The following KCNMB2 variants were observed in gnomAD, a reference collection of about 807,000 sequenced individuals.
KCNMB2 encodes the protein calcium-activated potassium channel subunit beta-2.
KCNMB2 carries 9 observed loss-of-function variants against 24.5 expected under a neutral mutation model. The observed-to-expected ratio is 0.37, with a 90% confidence interval of 0.22 to 0.64. KCNMB2 has a LOEUF of 0.64. KCNMB2 is among the 30% of genes least tolerant of loss of function. The pLI is 0.63. For missense variants in KCNMB2, 226 were observed against 284.3 expected (o/e 0.79, Z 1.47); for synonymous variants, 109 against 104.4 (o/e 1.04, Z -0.27).
chr3:178,637,075 G>A (rs778642652), intron 1 of KCNMB2, among the ~76,000 whole-genome samples: 26 of 152,054 alleles, frequency 1.7e-4, no homozygotes, highest in South Asian at 4.2e-4. Context: ...TGGTGTATAC[G>A]TACCATATTT....
intron 1 of KCNMB2, among the ~76,000 whole-genome samples, chr3:178,627,311 C>T (rs934653058): frequency 5.3e-5 from 8 of 152,054 alleles, no homozygotes; most frequent in Admixed American, 2.6e-4. Flanking sequence ...ACTGTTATTC[C>T]ATAATTTTGC....
At chr3:178,802,415 T>C (rs928338366) in intron 1 of KCNMB2, among the ~76,000 whole-genome samples, 2 of 152,166 alleles carry the variant, frequency 1.3e-5, no homozygotes, top group East Asian at 3.8e-4. Context: ...AACCACTTTG[T>C]TCTTTCCCTG....
At chr3:178,554,756 C>T (rs1716068549) in intron 1 of KCNMB2, among the ~76,000 whole-genome samples, 1 of 152,160 alleles carries the variant, frequency 6.6e-6, no homozygotes, top group Non-Finnish European at 1.5e-5. Context: ...GGTTGATAAA[C>T]AGACTGGAAG....
At chr3:178,724,489 C>T (rs1722905348) in intron 1 of KCNMB2, among the ~76,000 whole-genome samples, 1 of 152,074 alleles carries the variant, frequency 6.6e-6, no homozygotes, top group Non-Finnish European at 1.5e-5. Context: ...TTTTGTTGTA[C>T]AGAAGCTCTT....
chr3:178,824,493 G>A (rs1295855418), intron 2 of KCNMB2: 2 of 153,020 alleles, frequency 1.3e-5, no homozygotes, highest in Non-Finnish European at 2.9e-5. Flanking sequence ...TCAGCCTCCC[G>A]AGTAGCTGGG....
chr3:178,804,253 T>G (rs1713879406), intron 1 of KCNMB2, among the ~76,000 whole-genome samples: 1 of 152,124 alleles, frequency 6.6e-6, no homozygotes, highest in African/African-American at 2.4e-5. Flanking sequence ...TCTTAAGGAG[T>G]TCAGGGGGGC....
intron 4 of KCNMB2, among the ~76,000 whole-genome samples, chr3:178,840,403 G>A (rs746809031): frequency 2.8e-4 from 42 of 152,270 alleles, no homozygotes; most frequent in Admixed American, 2.4e-3. Flanking sequence ...GAAGGACAGC[G>A]GCCCTCTTCT....
At chr3:178,752,705 G>C (rs930399251) in intron 1 of KCNMB2, among the ~76,000 whole-genome samples, 2 of 152,210 alleles carry the variant, frequency 1.3e-5, no homozygotes, top group African/African-American at 2.4e-5. Flanking sequence ...ATGGTAGTCA[G>C]AGTAGAAGAG....
chr3:178,816,083 A>T (rs532223727), intron 2 of KCNMB2, among the ~76,000 whole-genome samples: 1 of 151,912 alleles, frequency 6.6e-6, no homozygotes, highest in Non-Finnish European at 1.5e-5. Context: ...TTTGTATACT[A>T]TAAGTACAGT....
intron 1 of KCNMB2, among the ~76,000 whole-genome samples, chr3:178,613,180 A>C (rs1036921087): frequency 1.3e-5 from 2 of 152,172 alleles, no homozygotes; most frequent in Non-Finnish European, 2.9e-5. Context: ...AGAGTATTAC[A>C]TGAGGTCAAG....
chr3:178,789,055 T>A (rs1373366959), intron 1 of KCNMB2, among the ~76,000 whole-genome samples: 2 of 152,250 alleles, frequency 1.3e-5, no homozygotes. Flanking sequence ...GGGAGTGTTT[T>A]GTCTGCAGTT....
chr3:178,793,518 G>GC (rs1553778524), intron 1 of KCNMB2, among the ~76,000 whole-genome samples: 140 of 152,102 alleles, frequency 9.2e-4, no homozygotes, highest in African/African-American at 3.3e-3. Context: ...TCACCCTGGG[G>GC]GGGTGGGCAA....
rs140399264 is a variant in KCNMB2 at position 178,819,475 on chromosome 3, G to A, written c.57-6113G>A. Among the ~76,000 whole-genome samples, 512 of 151,696 alleles carry A rather than the reference G, an allele frequency of 3.4e-3. 7 individuals carry two copies. Among genetic ancestry groups the A allele is most frequent in the East Asian group, 9.9e-3 (51 of 5,164 alleles). On this transcript the variant is annotated intron_variant, in intron 2 of 4. Transcript: ENST00000452583. ...TCCATCTCTTGTCCCAGACACCCTC[G>A]GCCTCCAGTCTCCCTTCCTCTCTGT...
chr3:178,648,928 G>GT (rs1247345670), intron 1 of KCNMB2, among the ~76,000 whole-genome samples: 2 of 152,106 alleles, frequency 1.3e-5, no homozygotes, highest in African/African-American at 2.4e-5. Context: ...GTATTTCATT[G>GT]TTTTTTGAAT....
chr3:178,817,525 C>T (rs867937597), intron 2 of KCNMB2, among the ~76,000 whole-genome samples: 5 of 152,158 alleles, frequency 3.3e-5, no homozygotes, highest in Middle Eastern at 3.4e-3. Context: ...GGTGTGTTCT[C>T]GTGGGGCAGA....
At chr3:178,809,760 T>C (rs916183032) in intron 2 of KCNMB2, among the ~76,000 whole-genome samples, 4 of 152,254 alleles carry the variant, frequency 2.6e-5, no homozygotes, top group Non-Finnish European at 4.4e-5. Flanking sequence ...CTTAGTATTC[T>C]GCATCAGTAA....
chr3:178,646,449 G>A (rs969003753), intron 1 of KCNMB2, among the ~76,000 whole-genome samples: 2 of 152,158 alleles, frequency 1.3e-5, no homozygotes, highest in African/African-American at 4.8e-5. Context: ...AGCCAGAAAA[G>A]AACAGACTGA....
intron 1 of KCNMB2, among the ~76,000 whole-genome samples, chr3:178,550,337 A>G (rs2108454025): frequency 6.6e-6 from 1 of 151,672 alleles, no homozygotes; most frequent in South Asian, 2.1e-4. Context: ...GGGCACCTGT[A>G]GTCCCAGCTA....
At chr3:178,712,966 G>T (rs748130335) in intron 1 of KCNMB2, among the ~76,000 whole-genome samples, 1 of 152,282 alleles carries the variant, frequency 6.6e-6, no homozygotes, top group East Asian at 1.9e-4. Context: ...TAGCCCACAG[G>T]GGGCTGGAAA....
Sources: allele counts gnomAD v4.1 joint callset (sites outside exome capture counted in the v4.1 genomes callset), GRCh38; gene constraint gnomAD v4.1.1; transcripts MANE v1.5; gene names NCBI Gene and HGNC (gene_info 2026-07-23, HGNC 2026-07-21).